The following WDPCP variants were observed in gnomAD, a reference collection of about 807,000 sequenced individuals.
WDPCP encodes the protein WD repeat containing planar cell polarity effector.
WDPCP carries 71 observed loss-of-function variants against 93.1 expected under a neutral mutation model. The ratio of observed to expected loss-of-function variants is 0.76; its 90% CI spans 0.63 to 0.93. The LOEUF (loss-of-function observed/expected upper bound fraction) is 0.93. Ranked by LOEUF, WDPCP falls within the 40% of genes least tolerant of loss-of-function variation. WDPCP has a pLI of 0.00. For synonymous variants in WDPCP, 315 were observed against 315.0 expected, an observed-to-expected ratio of 1.00 and a Z score of 0.00; for missense variants, 844 against 887.4, an observed-to-expected ratio of 0.95 and a Z score of 0.62.
At chr2:63,127,579 C>A (rs1341966843) in intron 17 of WDPCP, among the ~76,000 whole-genome samples, 2 of 150,008 alleles carry the variant, frequency 1.3e-5, no homozygotes, top group African/African-American at 4.9e-5. Context: ...GCTACTTTAT[C>A]ATTTTTAGAG....
chr2:63,475,865 CCTT>C lies in WDPCP; in HGVS notation c.384+8736_384+8738del, dbSNP rs540606292. Among the ~76,000 whole-genome samples, 620 of 152,156 alleles carry C rather than the reference CCTT, an allele frequency of 4.1e-3. 21 individuals are homozygous for C. Among genetic ancestry groups the C allele is most frequent in the Admixed American group, 0.038 (581 of 15,244 alleles). Reference sequence around the variant, plus strand: ...TCTTCTCCCAAGATACTCATCTACTCCTTCTTGAGGGCACCCTCTTAGATGGTT... The same window carrying C: ...TCTTCTCCCAAGATACTCATCTACTCCTTGAGGGCACCCTCTTAGATGGTT... On this transcript the variant is annotated intron_variant, in intron 6 of 17. Transcript: ENST00000272321.
chr2:63,793,848 T>G (rs1670577557), intron 2 of WDPCP, among the ~76,000 whole-genome samples: 1 of 151,190 alleles, frequency 6.6e-6, no homozygotes, highest in Non-Finnish European at 1.5e-5. Context: ...ATCTCAATTT[T>G]GTAAAATACT....
chr2:63,431,751 C>T (rs537560188), intron 9 of WDPCP, among the ~76,000 whole-genome samples: 25 of 152,120 alleles, frequency 1.6e-4, no homozygotes, highest in Non-Finnish European at 3.2e-4. Flanking sequence ...ATGACTTTCA[C>T]ATGAAGCTCT....
intron 12 of WDPCP, among the ~76,000 whole-genome samples, chr2:63,377,033 A>C (rs1487417425): frequency 1.3e-5 from 2 of 151,938 alleles, no homozygotes; most frequent in Non-Finnish European, 2.9e-5. Flanking sequence ...CTCTTAAGTG[A>C]ATAAAAATTT....
chr2:63,725,139 T>G (rs1167735286), intron 2 of WDPCP, among the ~76,000 whole-genome samples: 1 of 152,176 alleles, frequency 6.6e-6, no homozygotes, highest in Non-Finnish European at 1.5e-5. Context: ...ATAGATTATT[T>G]CTTTACTCAG....
intron 2 of WDPCP, among the ~76,000 whole-genome samples, chr2:63,811,337 A>G (rs1480494381): frequency 3.3e-5 from 5 of 152,194 alleles, no homozygotes; most frequent in Admixed American, 3.3e-4. Context: ...GGTCTTGCTC[A>G]CAGACTCACT....
intron 1 of WDPCP, among the ~76,000 whole-genome samples, chr2:63,501,427 G>A (rs1701543174): frequency 6.6e-6 from 1 of 152,132 alleles, no homozygotes; most frequent in Admixed American, 6.6e-5. Flanking sequence ...TTAGGCAGGT[G>A]TGGTGGCACC....
At chr2:63,133,414 C>A (rs749572336) in intron 17 of WDPCP, among the ~76,000 whole-genome samples, 1 of 152,152 alleles carries the variant, frequency 6.6e-6, no homozygotes, top group African/African-American at 2.4e-5. Context: ...CAAATAAGGT[C>A]AGCCTTGTTC....
At chr2:63,126,963 G>GT (rs987777846) in intron 17 of WDPCP, among the ~76,000 whole-genome samples, 3 of 152,050 alleles carry the variant, frequency 2.0e-5, no homozygotes, top group East Asian at 3.9e-4. Context: ...GATTACAGGC[G>GT]TAAGTCACCA....
At chr2:63,635,035 AG>A (rs1709906780) in intron 3 of WDPCP, among the ~76,000 whole-genome samples, 1 of 152,124 alleles carries the variant, frequency 6.6e-6, no homozygotes, top group Non-Finnish European at 1.5e-5. Flanking sequence ...AATCATAAAC[AG>A]GGGACATTAC....
chr2:63,285,754 T>G (rs1683948869), intron 13 of WDPCP, among the ~76,000 whole-genome samples: 1 of 152,136 alleles, frequency 6.6e-6, no homozygotes, highest in African/African-American at 2.4e-5. Flanking sequence ...AATCCACAAT[T>G]ATAGTAAATA....
chr2:63,386,783 G>A (rs755496810), intron 10 of WDPCP, among the ~76,000 whole-genome samples: 14 of 151,656 alleles, frequency 9.2e-5, no homozygotes, highest in African/African-American at 2.2e-4. Flanking sequence ...CAAACCAAAC[G>A]TCCATCAATA....
At chr2:63,163,165 G>A (rs185069338) in intron 15 of WDPCP, among the ~76,000 whole-genome samples, 51 of 152,280 alleles carry the variant, frequency 3.3e-4, no homozygotes, top group Non-Finnish European at 1.0e-4. Context: ...TTAAGCTGGA[G>A]AGAAAATGGA....
At chr2:63,461,450 C>T (rs915717405) in intron 6 of WDPCP, among the ~76,000 whole-genome samples, 1 of 152,156 alleles carries the variant, frequency 6.6e-6, no homozygotes, top group Non-Finnish European at 1.5e-5. Context: ...CCTGAGGCTT[C>T]ACCAGAAGCC....
intron 14 of WDPCP, among the ~76,000 whole-genome samples, chr2:63,218,541 A>G (rs1009881083): frequency 6.6e-6 from 1 of 151,852 alleles, no homozygotes; most frequent in Non-Finnish European, 1.5e-5. Context: ...TATTATTATT[A>G]TTATTTGAGA....
At chr2:63,789,540 C>T (rs969519012) in intron 2 of WDPCP, among the ~76,000 whole-genome samples, 10 of 152,262 alleles carry the variant, frequency 6.6e-5, no homozygotes, top group African/African-American at 1.2e-4. Flanking sequence ...GGACCAGTTT[C>T]GGCAGAGTGG....
At chr2:63,385,558 G>A (rs1316780500) in intron 10 of WDPCP, among the ~76,000 whole-genome samples, 1 of 151,934 alleles carries the variant, frequency 6.6e-6, no homozygotes, top group African/African-American at 2.4e-5. Flanking sequence ...ATATAACAAA[G>A]CATGTACAAG....
At chr2:63,232,071 G>A (rs1389051783) in intron 14 of WDPCP, among the ~76,000 whole-genome samples, 1 of 152,160 alleles carries the variant, frequency 6.6e-6, no homozygotes, top group Admixed American at 6.5e-5. Context: ...ACAAAAACAA[G>A]CAATGGGGAA....
At chr2:63,221,239 A>G (rs1286747613) in intron 14 of WDPCP, among the ~76,000 whole-genome samples, 1 of 152,190 alleles carries the variant, frequency 6.6e-6, no homozygotes, top group Non-Finnish European at 1.5e-5. Context: ...GGATTCATGT[A>G]GTATTAGTTT....
Sources: gnomAD v4.1 joint callset for allele counts (sites outside exome capture counted in the v4.1 genomes callset) on GRCh38, gnomAD v4.1.1 for gene constraint, MANE v1.5 for transcripts, NCBI Gene and HGNC (gene_info 2026-07-23, HGNC 2026-07-21) for gene names.